AK3: variants seen among roughly 807,000 people sequenced by gnomAD.
AK3 encodes the protein adenylate kinase 3.
Under a neutral mutation model 23.7 loss-of-function variants are expected in AK3, and 27 were observed. That is an observed-to-expected ratio of 1.14 (90% CI 0.84 to 1.57). The LOEUF is 1.57. Among genes scored for constraint, AK3 ranks in the 40% most tolerant of loss-of-function variants. The pLI is 0.00. For missense variants in AK3, 406 were observed against 285.6 expected, an observed-to-expected ratio of 1.42 and a Z score of -3.04; for synonymous variants, 159 against 116.0, an observed-to-expected ratio of 1.37 and a Z score of -2.38.
chr9:4,729,015 A>ATATATATATTT lies in AK3; in HGVS notation c.152-6391_152-6390insAAATATATATA, dbSNP rs71326127. 6.0e-3 allele frequency among the ~76,000 whole-genome samples: 782 copies of ATATATATATTT among 129,376 alleles called. 6 individuals carry two copies. Among genetic ancestry groups the ATATATATATTT allele is most frequent in the African/African-American group, 0.017 (586 of 33,974 alleles). 84.9% of individuals were successfully genotyped at this position (129,376 alleles called of 152,430 possible). ...CACACACACATATATATATATATAT[A>ATATATATATTT]TTTTTTTTTTTTGAGACGGAATTTT... is the stretch of plus-strand genomic sequence containing the variant. On this transcript the variant is annotated intron_variant, in intron 1 of 4. Coordinates refer to ENST00000381809, the MANE Select transcript of AK3 (RefSeq NM_016282.4).
chr9:4,722,990 G>A (rs888764226), intron 1 of AK3, among the ~76,000 whole-genome samples: 1 of 152,192 alleles, frequency 6.6e-6, no homozygotes, highest in Non-Finnish European at 1.5e-5. Flanking sequence ...GGAATCGCTT[G>A]AACCCAGGAG....
rs1587639589 is a variant in AK3, at chr9:4,718,299, C to T, written c.563+120G>A. Reference sequence around the variant, plus strand: ...ACAAGCTAATGTATTTCCTTTATTACTTAAGCCCATGTGAACTGGGTCTTT... The same window carrying T: ...ACAAGCTAATGTATTTCCTTTATTATTTAAGCCCATGTGAACTGGGTCTTT... On this transcript the variant is annotated intron_variant, in intron 4 of 4. Coordinates refer to ENST00000381809, the MANE Select transcript of AK3 (RefSeq NM_016282.4). 3.9e-5 allele frequency: 29 copies of T among 745,436 alleles called. No homozygotes were observed. In the East Asian group the frequency reaches 7.3e-4, roughly 19 times the overall value. 46.2% of individuals were successfully genotyped at this position (745,436 alleles called of 1,614,324 possible).
intron 2 of AK3, among the ~76,000 whole-genome samples, chr9:4,719,980 C>T (rs1841851295): frequency 6.6e-6 from 1 of 152,064 alleles, no homozygotes; most frequent in Non-Finnish European, 1.5e-5. Context: ...GGGAGAATCG[C>T]TTGAACCCGG....
rs1443276747 is a variant in AK3 at position 4,711,655 on chromosome 9, A to C, written c.*1321T>G. ...TTGATTTGGCACGAAGTAAAGTAAG[A>C]GTAAATATGCCATGGAAGACATAAT... On this transcript the variant is annotated 3_prime_UTR_variant, in exon 5 of 5. Coordinates refer to ENST00000381809, the MANE Select transcript of AK3 (RefSeq NM_016282.4). 2 of 152,260 alleles carry C rather than the reference A, an allele frequency of 1.3e-5. No individual in the cohort carries two copies. The highest frequency in any genetic ancestry group is 4.8e-5 in the African/African-American group (2 of 41,464). 9.4% of individuals were successfully genotyped at this position (152,260 alleles called of 1,614,324 possible).
At chr9:4,739,453 C>A (rs914111354) in intron 1 of AK3, among the ~76,000 whole-genome samples, 13 of 151,104 alleles carry the variant, frequency 8.6e-5, no homozygotes, top group African/African-American at 2.9e-4. Flanking sequence ...CTTGACCTCA[C>A]AAAGTGCTGG....
intron 1 of AK3, among the ~76,000 whole-genome samples, chr9:4,729,365 A>G (rs1258610340): frequency 6.6e-6 from 1 of 152,092 alleles, no homozygotes; most frequent in South Asian, 2.1e-4. Context: ...AGTTCCAGCT[A>G]TTCAGGAGGC....
At chr9:4,741,713 T>C (rs1842439701), upstream of AK3, 1 of 152,210 alleles carries the variant, frequency 6.6e-6, no homozygotes, top group Admixed American at 6.6e-5. Flanking sequence ...TAGCAGGCGC[T>C]GCCCTACCCA....
intron 4 of AK3, among the ~76,000 whole-genome samples, chr9:4,716,483 G>C (rs1841728088): frequency 6.6e-6 from 1 of 152,180 alleles, no homozygotes; most frequent in Non-Finnish European, 1.5e-5. Flanking sequence ...TACAAATAAG[G>C]GATTTGTGGC....
At chr9:4,725,483 G>C (rs1008966379) in intron 1 of AK3, among the ~76,000 whole-genome samples, 1 of 151,908 alleles carries the variant, frequency 6.6e-6, no homozygotes, top group South Asian at 2.1e-4. Flanking sequence ...CATTAAGAAA[G>C]TGAGGCCGGG....
At chr9:4,739,368 A>AT (rs902638644) in intron 1 of AK3, among the ~76,000 whole-genome samples, 1 of 151,140 alleles carries the variant, frequency 6.6e-6, no homozygotes, top group Non-Finnish European at 1.5e-5. Context: ...TTGTTTTTGA[A>AT]TTTTTTATAG....
At chr9:4,725,406 A>G (rs538511571) in intron 1 of AK3, among the ~76,000 whole-genome samples, 1 of 152,296 alleles carries the variant, frequency 6.6e-6, no homozygotes, top group South Asian at 2.1e-4. Flanking sequence ...AGCACAACTA[A>G]CAAAGGAAAA....
At position 4,730,535 on chromosome 9, in the gene AK3, C is replaced by G. The variant is rs559613893; in HGVS notation, c.152-7910G>C. Among the ~76,000 whole-genome samples, 10 of 152,196 alleles carry G rather than the reference C, an allele frequency of 6.6e-5. No homozygotes were observed. The South Asian group carries it at 1.7e-3, about 25-fold the overall frequency. On this transcript the variant is annotated intron_variant, in intron 1 of 4. Transcript: ENST00000381809. Reference sequence around the variant, plus strand: ...GGAGGATTGCTTGAGCCCAGGAGGTCAAGGCTGCAGTGAGCCATGACCGCA... The same window carrying G: ...GGAGGATTGCTTGAGCCCAGGAGGTGAAGGCTGCAGTGAGCCATGACCGCA...
At chr9:4,729,015 A>ATTTTTTTTT (rs375640249) in intron 1 of AK3, among the ~76,000 whole-genome samples, 19 of 129,432 alleles carry the variant, frequency 1.5e-4, no homozygotes, top group African/African-American at 5.3e-4. Context: ...ATATATATAT[A>ATTTTTTTTT]TTTTTTTTTT....
chr9:4,740,626 A>T (rs1477831617), intron 1 of AK3, among the ~76,000 whole-genome samples: 1 of 152,190 alleles, frequency 6.6e-6, no homozygotes, highest in Non-Finnish European at 1.5e-5. Context: ...GACCCCCAAG[A>T]GTGGCTGCCA....
intron 1 of AK3, 131 bp downstream of exon 1, chr9:4,740,806 C>T: frequency 5.1e-6 from 6 of 1,182,492 alleles, no homozygotes; most frequent in Non-Finnish European, 6.7e-6. Flanking sequence ...AGCCCGAGGT[C>T]TCTGTCCCGG....
chr9:4,728,208 C>G (rs1450166710), intron 1 of AK3, among the ~76,000 whole-genome samples: 1 of 152,080 alleles, frequency 6.6e-6, no homozygotes, highest in South Asian at 2.1e-4. Context: ...ACAGAGTTGC[C>G]ACAAAACTTA....
intron 4 of AK3, among the ~76,000 whole-genome samples, chr9:4,716,952 A>C (rs1370944029): frequency 2.6e-5 from 4 of 152,180 alleles, no homozygotes; most frequent in Non-Finnish European, 5.9e-5. Flanking sequence ...AATAAATAAC[A>C]GTTTGGAAAC....
Position 4,737,122 on chromosome 9 carries a change from TTTCTTTACTATATAG to T in AK3, c.151+3800_151+3814del, listed in dbSNP as rs372199517. On this transcript the variant is annotated intron_variant, in intron 1 of 4. Coordinates refer to ENST00000381809, the MANE Select transcript of AK3 (RefSeq NM_016282.4). ...CTATATAGTTCTTTACTATATAGTT[TTTCTTTACTATATAG>T]TTCTTTACTATATAGTTTTCTTTAA... 5.9e-3 allele frequency among the ~76,000 whole-genome samples: 891 copies of T among 152,190 alleles called. 12 individuals carry two copies. The highest frequency in any genetic ancestry group is 0.02 in the African/African-American group (840 of 41,544).
At chr9:4,725,323 C>T (rs1257998404) in intron 1 of AK3, among the ~76,000 whole-genome samples, 1 of 151,710 alleles carries the variant, frequency 6.6e-6, no homozygotes, top group Non-Finnish European at 1.5e-5. Flanking sequence ...AGCCTAAAAA[C>T]TCTTAATAGA....
Sources: allele counts gnomAD v4.1 joint callset (sites outside exome capture counted in the v4.1 genomes callset), GRCh38; gene constraint gnomAD v4.1.1; transcripts MANE v1.5; gene names NCBI Gene and HGNC (gene_info 2026-07-23, HGNC 2026-07-21).